The following CEP83 variants were observed in gnomAD, a reference collection of about 807,000 sequenced individuals.
CEP83 encodes centrosomal protein of 83 kDa.
A neutral mutation model predicts 101.9 loss-of-function variants in CEP83; 70 were observed. The observed-to-expected ratio is 0.69, with a 90% confidence interval of 0.57 to 0.84. The LOEUF is 0.84. Ranked by LOEUF, CEP83 falls within the 40% of genes least tolerant of loss-of-function variation. The pLI is 0.00. For missense variants in CEP83, 715 were observed against 787.2 expected, an observed-to-expected ratio of 0.91 and a Z score of 1.10; for synonymous variants, 264 against 267.9, an observed-to-expected ratio of 0.99 and a Z score of 0.14.
chr12:94,314,398 A>G (rs1315144936), intron 14 of CEP83, among the ~76,000 whole-genome samples: 1 of 152,220 alleles, frequency 6.6e-6, no homozygotes, highest in Non-Finnish European at 1.5e-5. Flanking sequence ...TGAAAGGGTA[A>G]CCAACTAATT....
At chr12:94,296,429 G>A in the CEP83 span, among the ~76,000 whole-genome samples, 1 of 152,158 alleles carries the variant, frequency 6.6e-6, no homozygotes, top group Non-Finnish European at 1.5e-5. Context: ...CCAAAGTGCT[G>A]GGATTACAGA....
intron 2 of CEP83, chr12:94,424,826 T>C (rs1423411003): frequency 3.8e-6 from 6 of 1,599,810 alleles, no homozygotes; most frequent in Middle Eastern, 1.7e-4. Flanking sequence ...GTCATTTCCA[T>C]TGCTTCCACT....
At chr12:94,331,289 G>GAAAAAAAAAAAAAAAAA (rs568464808) in intron 14 of CEP83, among the ~76,000 whole-genome samples, 2 of 43,806 alleles carry the variant, frequency 4.6e-5, no homozygotes, top group Admixed American at 4.0e-4. Flanking sequence ...CAGACTCTCA[G>GAAAAAAAAAAAAAAAAA]AAAAAAAAAA....
chr12:94,430,627 C>T (rs1470813725), intron 2 of CEP83, among the ~76,000 whole-genome samples: 1 of 152,066 alleles, frequency 6.6e-6, no homozygotes, highest in African/African-American at 2.4e-5. Flanking sequence ...ATGGGCACCA[C>T]AAGGCAACTA....
At chr12:94,426,615 C>T (rs936379633) in intron 2 of CEP83, among the ~76,000 whole-genome samples, 1 of 152,148 alleles carries the variant, frequency 6.6e-6, no homozygotes, top group African/African-American at 2.4e-5. Context: ...TGAATGCTAG[C>T]CCTCAAAATA....
At position 94,331,683 on chromosome 12, in the gene CEP83, T is replaced by C; in HGVS notation, c.1707+17A>G. ...CACCATGCCTGGCCAGAGATCACTT[T>C]AATAAGAACCACTTGCCTTTTTCTG... is the stretch of plus-strand genomic sequence containing the variant. On this transcript the variant is annotated intron_variant, in intron 14 of 16. Coordinates refer to ENST00000397809, the MANE Select transcript of CEP83 (RefSeq NM_016122.3). 6.2e-7 allele frequency: 1 copy of C among 1,612,564 alleles called. No homozygotes were observed. The highest frequency in any genetic ancestry group is 8.5e-7 in the Non-Finnish European group (1 of 1,179,556).
intron 6 of CEP83, among the ~76,000 whole-genome samples, chr12:94,394,726 T>A (rs2062774844): frequency 6.6e-6 from 1 of 152,130 alleles, no homozygotes; most frequent in Non-Finnish European, 1.5e-5. Context: ...AATCTACTCA[T>A]CTGACAAAGG....
At chr12:94,294,389 A>G in the CEP83 span, 1 of 615,864 alleles carries the variant, frequency 1.6e-6, no homozygotes, top group Admixed American at 2.7e-5. Context: ...TTAATAAGTG[A>G]CAGCATGTAA....
chr12:94,413,055 T>A (rs562005888), intron 2 of CEP83, among the ~76,000 whole-genome samples: 35 of 152,214 alleles, frequency 2.3e-4, no homozygotes, highest in Admixed American at 1.2e-3. Context: ...GGTTTCACCA[T>A]GCTGGCTAAG....
At chr12:94,293,908 C>G in the CEP83 span, among the ~76,000 whole-genome samples, 1 of 152,088 alleles carries the variant, frequency 6.6e-6, no homozygotes, top group Admixed American at 6.6e-5. Context: ...GAGTGAGGCA[C>G]CACGCCCAGC....
At chr12:94,393,243 C>T (rs1346025763) in intron 6 of CEP83, among the ~76,000 whole-genome samples, 3 of 152,104 alleles carry the variant, frequency 2.0e-5, no homozygotes, top group Non-Finnish European at 2.9e-5. Flanking sequence ...ACTGGCAAAC[C>T]AAATCCAGCA....
intron 4 of CEP83, among the ~76,000 whole-genome samples, chr12:94,403,556 T>C (rs1012336445): frequency 2.0e-4 from 31 of 152,228 alleles, no homozygotes; most frequent in Non-Finnish European, 1.0e-4. Context: ...TATCATGTTG[T>C]ATACAATGGC....
In CEP83 at chr12:94,307,702, C is replaced by CTAGT. The variant is rs369218856; in HGVS notation, c.*1107_*1110dup. On this transcript the variant is annotated 3_prime_UTR_variant, in exon 17 of 17. Transcript: ENST00000397809. Reference sequence around the variant, plus strand: ...ACTGTCTTTTTTTTTTTTCAATTTTCTAGTTATAATAGTTTTTTTATTCTA... The same window carrying CTAGT: ...ACTGTCTTTTTTTTTTTTCAATTTTCTAGTTAGTTATAATAGTTTTTTTATTCTA... 7.0e-5 allele frequency: 10 copies of CTAGT among 143,850 alleles called. No individual in the cohort carries two copies. Among genetic ancestry groups the CTAGT allele is most frequent in the African/African-American group, 2.0e-4 (8 of 39,148 alleles). The allele number at this position is 143,850 out of a possible 1,614,324, so 8.9% of individuals were successfully genotyped here. A position where few individuals can be genotyped will look rare whatever the true frequency, so the allele number is the denominator to read the frequency against.
chr12:94,376,960 C>T (rs1257225938), intron 7 of CEP83, among the ~76,000 whole-genome samples: 1 of 152,046 alleles, frequency 6.6e-6, no homozygotes, highest in Non-Finnish European at 1.5e-5. Context: ...AGGCTCATCT[C>T]AAACTCCTGA....
chr12:94,425,319 G>A (rs2065112010), intron 2 of CEP83, among the ~76,000 whole-genome samples: 1 of 152,136 alleles, frequency 6.6e-6, no homozygotes, highest in African/African-American at 2.4e-5. Flanking sequence ...ACATTGCATG[G>A]CAGGATCCAG....
chr12:94,386,922 T>G (rs1157704402), intron 6 of CEP83, among the ~76,000 whole-genome samples: 2 of 152,116 alleles, frequency 1.3e-5, no homozygotes, highest in Non-Finnish European at 2.9e-5. Flanking sequence ...CACAGCCAAA[T>G]GGAACAGAAT....
At chr12:94,411,648 G>T in intron 4 of CEP83, 49 bp downstream of exon 4, 1 of 1,422,178 alleles carries the variant, frequency 7.0e-7, no homozygotes, top group Non-Finnish European at 9.7e-7. Context: ...CTTCCACTAC[G>T]TATCTGACTG....
the CEP83 span, among the ~76,000 whole-genome samples, chr12:94,274,146 C>A: frequency 4.7e-4 from 53 of 113,576 alleles, no homozygotes; most frequent in African/African-American, 1.9e-3. Flanking sequence ...CACAGCAAGA[C>A]CCTGTCTCTA....
intron 6 of CEP83, among the ~76,000 whole-genome samples, chr12:94,396,226 C>T (rs1213702650): frequency 2.0e-5 from 3 of 151,550 alleles, no homozygotes; most frequent in African/African-American, 7.3e-5. Flanking sequence ...CAGCATTTCA[C>T]CTGTATGAAG....
Sources: allele counts gnomAD v4.1 joint callset (sites outside exome capture counted in the v4.1 genomes callset), GRCh38; gene constraint gnomAD v4.1.1; transcripts MANE v1.5; gene names NCBI Gene and HGNC (gene_info 2026-07-23, HGNC 2026-07-21).